SAMD5: variants seen among roughly 807,000 people sequenced by gnomAD.
SAMD5 encodes sterile alpha motif domain-containing protein 5.
SAMD5 carries 13 observed loss-of-function variants against 11.3 expected under a neutral mutation model. The ratio of observed to expected loss-of-function variants is 1.15; its 90% CI spans 0.75 to 1.83. SAMD5 has a LOEUF of 1.83. Ranked by LOEUF, SAMD5 falls within the 40% of genes most tolerant of loss-of-function variation. The pLI, the probability that SAMD5 is intolerant of heterozygous loss-of-function variation, is 0.00. For missense variants in SAMD5, 255 were observed against 239.1 expected, an observed-to-expected ratio of 1.07 and a Z score of -0.44; for synonymous variants, 129 against 111.3, an observed-to-expected ratio of 1.16 and a Z score of -1.00.
intron 1 of SAMD5, among the ~76,000 whole-genome samples, chr6:147,724,316 G>C (rs1488668994): frequency 6.6e-6 from 1 of 151,988 alleles, no homozygotes; most frequent in Non-Finnish European, 1.5e-5. Context: ...TTATTCTCTT[G>C]GCTTAACTTT....
intron 1 of SAMD5, among the ~76,000 whole-genome samples, chr6:147,556,750 C>A (rs1208761243): frequency 6.6e-6 from 1 of 152,036 alleles, no homozygotes; most frequent in Admixed American, 6.5e-5. Flanking sequence ...ACATATTAAA[C>A]TCTCATTCTT....
At chr6:147,534,444 A>C (rs1788477538) in intron 1 of SAMD5, among the ~76,000 whole-genome samples, 1 of 152,168 alleles carries the variant, frequency 6.6e-6, no homozygotes, top group South Asian at 2.1e-4. Context: ...GACAGAGCCG[A>C]TTCATCAAGA....
At chr6:147,838,115 A>G in the SAMD5 span, among the ~76,000 whole-genome samples, 1 of 152,210 alleles carries the variant, frequency 6.6e-6, no homozygotes, top group Non-Finnish European at 1.5e-5. Flanking sequence ...ACTAAGAAAG[A>G]ATTTAAGATA....
chr6:147,577,166 A>C (rs2128445887), intron 1 of SAMD5, among the ~76,000 whole-genome samples: 1 of 152,300 alleles, frequency 6.6e-6, no homozygotes. Flanking sequence ...GTCTTTTTTC[A>C]GTGGATCTTT....
chr6:147,797,566 A>G, the SAMD5 span, among the ~76,000 whole-genome samples: 232 of 98,424 alleles, frequency 2.4e-3, 3 homozygotes, highest in African/African-American at 0.012. Context: ...TTGGTATCAG[A>G]ATGATGCTGG....
At chr6:147,696,052 G>C (rs1007778112) in intron 1 of SAMD5, among the ~76,000 whole-genome samples, 2 of 152,140 alleles carry the variant, frequency 1.3e-5, no homozygotes, top group East Asian at 3.9e-4. Flanking sequence ...GACGGTTCAT[G>C]TCTGTAGTGG....
the SAMD5 span, among the ~76,000 whole-genome samples, chr6:147,831,209 A>G: frequency 2.0e-5 from 3 of 152,370 alleles, no homozygotes; most frequent in South Asian, 6.2e-4. Flanking sequence ...AAAAAAAGAT[A>G]TTTATTATGG....
chr6:147,770,249 C>A, the SAMD5 span, among the ~76,000 whole-genome samples: 6 of 151,958 alleles, frequency 3.9e-5, no homozygotes, highest in Non-Finnish European at 8.8e-5. Flanking sequence ...ATTGACTGTA[C>A]TTTAATTTTT....
the SAMD5 span, among the ~76,000 whole-genome samples, chr6:147,934,177 T>G: frequency 6.6e-6 from 1 of 152,362 alleles, no homozygotes; most frequent in African/African-American, 2.4e-5. Context: ...TTGCAAACCT[T>G]TGTTGCCTTC....
At chr6:147,746,649 T>C in the SAMD5 span, among the ~76,000 whole-genome samples, 3 of 152,314 alleles carry the variant, frequency 2.0e-5, no homozygotes, top group African/African-American at 7.2e-5. Flanking sequence ...TATGTCTTCA[T>C]AGCCAGTCCG....
chr6:147,810,782 C>T, the SAMD5 span, among the ~76,000 whole-genome samples: 2 of 152,084 alleles, frequency 1.3e-5, no homozygotes, highest in African/African-American at 4.8e-5. Context: ...ATTATTGTCC[C>T]CATTTTACAG....
chr6:147,776,631 A>G, the SAMD5 span, among the ~76,000 whole-genome samples: 1 of 152,184 alleles, frequency 6.6e-6, no homozygotes, highest in Non-Finnish European at 1.5e-5. Flanking sequence ...GTCTTTGTAG[A>G]TTTTTCTCCC....
chr6:147,865,234 T>C, the SAMD5 span, among the ~76,000 whole-genome samples: 1 of 151,808 alleles, frequency 6.6e-6, no homozygotes, highest in Admixed American at 6.6e-5. Flanking sequence ...ACACAGACTG[T>C]GATGTGTGTG....
chr6:147,620,989 T>C (rs775998439), intron 1 of SAMD5, among the ~76,000 whole-genome samples: 1,082 of 55,476 alleles, frequency 0.02, 5 homozygotes, highest in African/African-American at 0.038. Context: ...TGTGTGTGTG[T>C]GCGCGCGCGC....
chr6:147,941,234 G>A, the SAMD5 span, among the ~76,000 whole-genome samples: 2 of 152,204 alleles, frequency 1.3e-5, no homozygotes, highest in Non-Finnish European at 2.9e-5. Context: ...ATCAGGGAGT[G>A]TAGGTCTCTA....
chr6:147,544,840 T>C (rs553499818), intron 1 of SAMD5, among the ~76,000 whole-genome samples: 2 of 152,334 alleles, frequency 1.3e-5, no homozygotes, highest in South Asian at 4.1e-4. Flanking sequence ...CAGTGTAAAA[T>C]GCTGTTACTT....
the SAMD5 span, among the ~76,000 whole-genome samples, chr6:147,809,958 G>A: frequency 6.6e-6 from 1 of 152,122 alleles, no homozygotes; most frequent in South Asian, 2.1e-4. Context: ...TGTACCTCTG[G>A]TCCCTAGCCA....
the SAMD5 span, chr6:147,743,066 C>T: frequency 3.3e-5 from 5 of 152,098 alleles, no homozygotes; most frequent in African/African-American, 1.2e-4. Flanking sequence ...ATTTTGACAA[C>T]CCATCAATTT....
At chr6:147,874,601 AG>A in the SAMD5 span, among the ~76,000 whole-genome samples, 1 of 150,994 alleles carries the variant, frequency 6.6e-6, no homozygotes, top group African/African-American at 2.4e-5. Context: ...CAGCAAAGAC[AG>A]GGCATTGGGT....
Sources: allele counts gnomAD v4.1 joint callset (sites outside exome capture counted in the v4.1 genomes callset), GRCh38; gene constraint gnomAD v4.1.1; transcripts MANE v1.5; gene names NCBI Gene and HGNC (gene_info 2026-07-23, HGNC 2026-07-21).